KCNIP4: variants seen among roughly 807,000 people sequenced by gnomAD.
KCNIP4 encodes potassium voltage-gated channel interacting protein 4.
KCNIP4 carries 12 observed loss-of-function variants against 34.0 expected under a neutral mutation model. That is an observed-to-expected ratio of 0.35 (90% CI 0.23 to 0.57). The LOEUF is 0.57. Among genes scored for constraint, KCNIP4 ranks in the 20% least tolerant of loss-of-function variants. The pLI is 0.83. For synonymous variants in KCNIP4, 124 were observed against 102.2 expected (o/e 1.21, Z -1.29); for missense variants, 238 against 311.7 (o/e 0.76, Z 1.78).
intron 1 of KCNIP4, among the ~76,000 whole-genome samples, chr4:20,897,437 A>C (rs2149546310): frequency 6.6e-6 from 1 of 152,182 alleles, no homozygotes; most frequent in African/African-American, 2.4e-5. Flanking sequence ...TCCTCACGAA[A>C]CTACTTCCTA....
At chr4:21,689,717 A>G (rs1434636898) in intron 1 of KCNIP4, among the ~76,000 whole-genome samples, 1 of 152,192 alleles carries the variant, frequency 6.6e-6, no homozygotes, top group Non-Finnish European at 1.5e-5. Flanking sequence ...AAATGACGAA[A>G]TGCTTTTTAT....
intron 1 of KCNIP4, among the ~76,000 whole-genome samples, chr4:21,509,906 TCAGGAGTTCGAGAC>T (rs1734163081): frequency 6.6e-6 from 1 of 151,866 alleles, no homozygotes; most frequent in Non-Finnish European, 1.5e-5. Context: ...TCACTTGAGG[TCAGGAGTTCGAGAC>T]CAGCCTGGCC....
chr4:20,748,128 A>C (rs183622288), intron 5 of KCNIP4, among the ~76,000 whole-genome samples: 1 of 152,194 alleles, frequency 6.6e-6, no homozygotes, highest in East Asian at 1.9e-4. Context: ...CCTGCCAAAA[A>C]TTCTACAAAG....
intron 1 of KCNIP4, among the ~76,000 whole-genome samples, chr4:20,902,038 A>G (rs535899569): frequency 1.3e-5 from 2 of 152,302 alleles, no homozygotes; most frequent in East Asian, 3.9e-4. Flanking sequence ...ATGAGCTTCC[A>G]GTGAATTATC....
chr4:21,208,155 T>C (rs1004504373), intron 1 of KCNIP4, among the ~76,000 whole-genome samples: 2 of 152,200 alleles, frequency 1.3e-5, no homozygotes, highest in African/African-American at 2.4e-5. Context: ...ATTTACTTTC[T>C]AGTCATTGAA....
intron 1 of KCNIP4, among the ~76,000 whole-genome samples, chr4:21,536,771 ACT>A (rs1425805155): frequency 2.0e-5 from 3 of 151,006 alleles, no homozygotes; most frequent in Non-Finnish European, 4.4e-5. Context: ...ACAGGATGAG[ACT>A]CTGTTTCAAA....
chr4:20,858,321 C>A (rs1260517778), intron 2 of KCNIP4, among the ~76,000 whole-genome samples: 1 of 150,760 alleles, frequency 6.6e-6, no homozygotes, highest in Non-Finnish European at 1.5e-5. Flanking sequence ...ACAGCTGGTA[C>A]CTTGACCTTG....
intron 3 of KCNIP4, among the ~76,000 whole-genome samples, chr4:20,797,430 C>G (rs1220196884): frequency 6.6e-6 from 1 of 152,062 alleles, no homozygotes; most frequent in Non-Finnish European, 1.5e-5. Context: ...GGATAGCTCC[C>G]AAGACTTACA....
At chr4:21,674,159 T>C (rs1749706432) in intron 1 of KCNIP4, among the ~76,000 whole-genome samples, 1 of 152,218 alleles carries the variant, frequency 6.6e-6, no homozygotes, top group Admixed American at 6.5e-5. Flanking sequence ...CTCTTTGCTA[T>C]ATGTATTGAA....
At chr4:20,859,909 A>G (rs1026712644) in intron 2 of KCNIP4, among the ~76,000 whole-genome samples, 6 of 152,182 alleles carry the variant, frequency 3.9e-5, no homozygotes, top group African/African-American at 1.2e-4. Context: ...GAGAAAGCTG[A>G]TTCAGAACTC....
At chr4:21,622,278 G>A (rs923039459) in intron 1 of KCNIP4, among the ~76,000 whole-genome samples, 3 of 151,946 alleles carry the variant, frequency 2.0e-5, no homozygotes, top group Non-Finnish European at 4.4e-5. Context: ...TGATCTCTGG[G>A]ACAAGAAAAA....
intron 1 of KCNIP4, among the ~76,000 whole-genome samples, chr4:21,555,224 C>T (rs1738915703): frequency 6.6e-6 from 1 of 152,270 alleles, no homozygotes; most frequent in African/African-American, 2.4e-5. Flanking sequence ...CCCTCCAAGT[C>T]ACTGCAATGG....
At chr4:21,333,455 C>T (rs1715856080) in intron 1 of KCNIP4, among the ~76,000 whole-genome samples, 1 of 151,742 alleles carries the variant, frequency 6.6e-6, no homozygotes, top group Admixed American at 6.6e-5. Context: ...ATTCATAGAC[C>T]TTTAATATTC....
At chr4:20,820,563 G>C (rs971498645) in intron 3 of KCNIP4, among the ~76,000 whole-genome samples, 1 of 152,222 alleles carries the variant, frequency 6.6e-6, no homozygotes, top group South Asian at 2.1e-4. Flanking sequence ...GTTCAGGAGG[G>C]AACACCAGGG....
intron 1 of KCNIP4, among the ~76,000 whole-genome samples, chr4:21,747,853 G>T (rs1203364166): frequency 6.6e-6 from 1 of 152,070 alleles, no homozygotes; most frequent in East Asian, 1.9e-4. Flanking sequence ...ACTCATACTG[G>T]ATTAGGGTAG....
At chr4:20,776,726 G>A (rs1361427430) in intron 3 of KCNIP4, among the ~76,000 whole-genome samples, 1 of 152,046 alleles carries the variant, frequency 6.6e-6, no homozygotes, top group Non-Finnish European at 1.5e-5. Flanking sequence ...GCCAGGCACT[G>A]TCCATTTTAT....
intron 1 of KCNIP4, among the ~76,000 whole-genome samples, chr4:21,147,790 T>C (rs1037236372): frequency 8.6e-5 from 13 of 151,394 alleles, no homozygotes; most frequent in African/African-American, 3.2e-4. Context: ...AATACAAAAA[T>C]TAGCCGAGCA....
intron 3 of KCNIP4, among the ~76,000 whole-genome samples, chr4:20,774,976 A>G (rs989147062): frequency 7.9e-5 from 12 of 152,140 alleles, no homozygotes; most frequent in African/African-American, 2.9e-4. Flanking sequence ...CACAATCCCA[A>G]TCGCATTCTA....
rs148781677 is a variant in KCNIP4 at position 21,475,205 on chromosome 4, A to G, written c.61+473366T>C. Among the ~76,000 whole-genome samples, 89 of 152,244 alleles carry G rather than the reference A, an allele frequency of 5.8e-4. 2 individuals are homozygous for G. Among genetic ancestry groups the G allele is most frequent in the African/African-American group, 2.0e-3 (85 of 41,542 alleles). On this transcript the variant is annotated intron_variant, in intron 1 of 8. Coordinates refer to ENST00000382152, the MANE Select transcript of KCNIP4 (RefSeq NM_025221.6). ...TTAAAAGACACACAGGAGAATATAT[A>G]TATCTCTACTTTTATGTAAATCAGC...
Sources: gnomAD v4.1 joint callset for allele counts (sites outside exome capture counted in the v4.1 genomes callset) on GRCh38, gnomAD v4.1.1 for gene constraint, MANE v1.5 for transcripts, NCBI Gene and HGNC (gene_info 2026-07-23, HGNC 2026-07-21) for gene names.